Variants in ARHGAP32 observed in about 807,000 individuals in gnomAD.
The protein encoded by ARHGAP32 is Rho GTPase activating protein 32, also known as rho GTPase-activating protein 32.
A neutral mutation model predicts 186.5 loss-of-function variants in ARHGAP32; 51 were observed. The ratio of observed to expected loss-of-function variants is 0.27; its 90% CI spans 0.22 to 0.35. The LOEUF (loss-of-function observed/expected upper bound fraction) is 0.35. Ranked by LOEUF, ARHGAP32 falls within the 10% of genes least tolerant of loss-of-function variation. The pLI is 1.00. For missense variants in ARHGAP32, 2,186 were observed against 2,623.5 expected (o/e 0.83, Z 3.64); for synonymous variants, 950 against 964.3 (o/e 0.99, Z 0.27).
At chr11:129,067,582 C>A (rs1198460585) in intron 6 of ARHGAP32, among the ~76,000 whole-genome samples, 9 of 152,050 alleles carry the variant, frequency 5.9e-5, no homozygotes, top group Admixed American at 5.2e-4. Flanking sequence ...CCCCTGCACC[C>A]CCAACTACAA....
In ARHGAP32 at chr11:129,065,372, G is replaced by C. The variant is rs73017238; in HGVS notation, c.670-439C>G. Among the ~76,000 whole-genome samples, 509 of 152,066 alleles carry C rather than the reference G, an allele frequency of 3.3e-3. 3 individuals carry two copies. Among genetic ancestry groups the C allele is most frequent in the Middle Eastern group, 0.017 (5 of 294 alleles). Reference sequence around the variant, plus strand: ...CGTGATCCTATACCATGGTTCAGCCGATTGGTCCAGGAATATGCCCCAGTA... The same window carrying C: ...CGTGATCCTATACCATGGTTCAGCCCATTGGTCCAGGAATATGCCCCAGTA... On this transcript the variant is annotated intron_variant, in intron 7 of 22. Transcript: ENST00000682385.
At position 129,029,965 on chromosome 11, in the gene ARHGAP32, T is replaced by G. The variant is rs1939043135; in HGVS notation, c.1045+10963A>C. Among the ~76,000 whole-genome samples, 3 of 152,178 alleles carry G rather than the reference T, an allele frequency of 2.0e-5. No individual in the cohort carries two copies. In the South Asian group the frequency reaches 6.2e-4, roughly 32 times the overall value. ...TAAAGCACTTTATAAATACATGGTATTATAAATTTTCTGTTTTCCCCTGAT... is the reference window on the plus strand; with the variant it reads ...TAAAGCACTTTATAAATACATGGTAGTATAAATTTTCTGTTTTCCCCTGAT... On this transcript the variant is annotated intron_variant, in intron 11 of 22. Coordinates refer to ENST00000682385, the MANE Select transcript of ARHGAP32 (RefSeq NM_001378024.1).
chr11:129,160,001 AC>A (rs1391813874), intron 2 of ARHGAP32, among the ~76,000 whole-genome samples: 1 of 152,178 alleles, frequency 6.6e-6, no homozygotes, highest in Non-Finnish European at 1.5e-5. Flanking sequence ...AATGACAAAA[AC>A]CACAATTATC....
intron 6 of ARHGAP32, among the ~76,000 whole-genome samples, chr11:129,092,771 T>C (rs573121333): frequency 6.6e-6 from 1 of 152,088 alleles, no homozygotes; most frequent in South Asian, 2.1e-4. Context: ...TAGCTTCAGG[T>C]ACATGATTAA....
At chr11:129,106,940 T>C (rs759867132) in intron 5 of ARHGAP32, among the ~76,000 whole-genome samples, 32 of 152,124 alleles carry the variant, frequency 2.1e-4, no homozygotes, top group Non-Finnish European at 2.2e-4. Context: ...GCTGAAATCA[T>C]TCCAAATTTG....
chr11:129,057,892 A>T (rs1449952766), intron 10 of ARHGAP32, among the ~76,000 whole-genome samples: 5 of 152,104 alleles, frequency 3.3e-5, no homozygotes, highest in African/African-American at 1.2e-4. Context: ...AAACACAGAG[A>T]GGAAAGGCCA....
chr11:129,243,040 C>T (rs73566106), intron 1 of ARHGAP32, among the ~76,000 whole-genome samples: 1,619 of 152,246 alleles, frequency 0.011, 29 homozygotes, highest in African/African-American at 0.037. Flanking sequence ...TCTAGCCACC[C>T]AACTCCCTCA....
chr11:129,046,372 C>T (rs932967286), intron 10 of ARHGAP32, among the ~76,000 whole-genome samples: 1 of 144,650 alleles, frequency 6.9e-6, no homozygotes, highest in Non-Finnish European at 1.5e-5. Flanking sequence ...CTGTTTTTAA[C>T]AACTGTCCTA....
chr11:129,004,767 T>C (rs1937673368), intron 11 of ARHGAP32, among the ~76,000 whole-genome samples: 1 of 152,158 alleles, frequency 6.6e-6, no homozygotes, highest in Non-Finnish European at 1.5e-5. Context: ...TCTTTATAGA[T>C]GAAGTGTGTT....
At chr11:129,091,678 A>C (rs1217687471) in intron 6 of ARHGAP32, among the ~76,000 whole-genome samples, 1 of 152,134 alleles carries the variant, frequency 6.6e-6, no homozygotes, top group Non-Finnish European at 1.5e-5. Flanking sequence ...TGGTGGTCTT[A>C]TCTGAAGATT....
At chr11:129,085,705 A>G (rs1941367505) in intron 6 of ARHGAP32, among the ~76,000 whole-genome samples, 1 of 152,162 alleles carries the variant, frequency 6.6e-6, no homozygotes, top group Non-Finnish European at 1.5e-5. Flanking sequence ...CTCAAGACTT[A>G]TAATAAAACC....
At chr11:128,981,765 C>T in intron 16 of ARHGAP32, 64 bp downstream of exon 16, 1 of 1,294,402 alleles carries the variant, frequency 7.7e-7, no homozygotes, top group Non-Finnish European at 1.1e-6. Flanking sequence ...TTAAAGAACA[C>T]TGATGAATCA....
At chr11:129,018,449 A>C (rs1467273815) in intron 11 of ARHGAP32, among the ~76,000 whole-genome samples, 1 of 152,226 alleles carries the variant, frequency 6.6e-6, no homozygotes, top group Non-Finnish European at 1.5e-5. Context: ...AAGTAGTTGA[A>C]GTGAACTGTG....
At chr11:129,164,277 C>A (rs1943589295) in intron 2 of ARHGAP32, 42 bp downstream of exon 2, 2 of 1,185,562 alleles carry the variant, frequency 1.7e-6, no homozygotes, top group South Asian at 2.9e-5. Context: ...GCTATATATA[C>A]ATATATATGT....
chr11:128,990,856 A>T (rs1244553490), intron 12 of ARHGAP32, among the ~76,000 whole-genome samples: 1 of 152,214 alleles, frequency 6.6e-6, no homozygotes, highest in African/African-American at 2.4e-5. Flanking sequence ...GATAATTAAC[A>T]TCATTACTTA....
chr11:129,125,517 A>G (rs1480655048), intron 2 of ARHGAP32, among the ~76,000 whole-genome samples: 1 of 152,144 alleles, frequency 6.6e-6, no homozygotes, highest in African/African-American at 2.4e-5. Context: ...CCTATGACTT[A>G]TAATTTTAAA....
At chr11:129,022,614 T>A (rs1047201488) in intron 11 of ARHGAP32, among the ~76,000 whole-genome samples, 3 of 152,340 alleles carry the variant, frequency 2.0e-5, no homozygotes, top group Non-Finnish European at 1.5e-5. Flanking sequence ...GATGCTTACA[T>A]GAAGTGTATG....
chr11:128,981,705 G>C (rs1242607171), intron 16 of ARHGAP32, 124 bp downstream of exon 16: 12 of 1,138,372 alleles, frequency 1.1e-5, no homozygotes, highest in Non-Finnish European at 1.5e-5. Flanking sequence ...GCCTGTTTTA[G>C]GGAGATGCAA....
intron 8 of ARHGAP32, 85 bp downstream of exon 8, chr11:129,064,756 T>C (rs772380799): frequency 2.7e-5 from 28 of 1,023,206 alleles, no homozygotes; most frequent in Admixed American, 8.3e-5. Flanking sequence ...TGAAGCTCAA[T>C]AGACATCAAA....
Sources: gnomAD v4.1 joint callset for allele counts (sites outside exome capture counted in the v4.1 genomes callset) on GRCh38, gnomAD v4.1.1 for gene constraint, MANE v1.5 for transcripts, NCBI Gene and HGNC (gene_info 2026-07-23, HGNC 2026-07-21) for gene names.